The following ARMCX6 variants were observed in gnomAD, a reference collection of about 807,000 sequenced individuals.
ARMCX6 encodes the protein armadillo repeat containing X-linked 6, also known as protein ARMCX6.
For synonymous variants in ARMCX6, 85 were observed against 70.3 expected (o/e 1.21, Z -1.05); for missense variants, 194 against 186.0 (o/e 1.04, Z -0.25).
At position 101,616,751 on chromosome X, in the gene ARMCX6, C is replaced by T. The variant is rs983342216; in HGVS notation, c.-131G>A. On this transcript the variant is annotated 5_prime_UTR_variant, in exon 3 of 3. Transcript: ENST00000361910. The stretch of plus-strand genomic sequence containing the variant: ...TTCAGCTTCTTCCAGGCTCTTGTAG[C>T]TCTCTTGTGATGAATCTGTGGGTGA... The T allele has an allele frequency of 5.6e-6, 6 of 1,068,190 alleles. No homozygotes were observed. The highest frequency in any genetic ancestry group is 7.4e-6 in the Non-Finnish European group (6 of 816,157). The allele number at this position is 1,068,190 out of a possible 1,213,427, so 88.0% of individuals were successfully genotyped here.
chrX:101,616,329 G>T lies in ARMCX6; in HGVS notation c.292C>A (p.His98Asn), dbSNP rs1935807174. 1.7e-6 allele frequency: 2 copies of T among 1,209,497 alleles called. No individual in the cohort carries two copies. The highest frequency in any genetic ancestry group is 2.2e-6 in the Non-Finnish European group (2 of 895,082). The change falls in exon 3 of 3, where the codon CAC becomes AAC. Residue 98 changes from histidine (H) to asparagine (N), a missense_variant. Physicochemically the swap from His to Asn is moderately conservative, Grantham distance 68. Transcript: ENST00000361910. ...PSGGGKANRA[H>N]PIKQRPFPYE... ...GGGAATGGCCGCTGTTTTATTGGGT[G>T]TGCTCGGTTGGCCTTGCCTCCCCCT...
In ARMCX6 at chrX:101,616,779, CAG is replaced by C; in HGVS notation, c.-146-15_-146-14del. On this transcript the variant is annotated splice_polypyrimidine_tract_variant and intron_variant, in intron 2 of 2. Coordinates refer to ENST00000361910, the MANE Select transcript of ARMCX6 (RefSeq NM_019007.4). ...TCTTGTGATGAATCTGTGGGTGAAACAGAGTATTAGGGCTCGGGACTATGTTT... is the reference window on the plus strand; with the variant it reads ...TCTTGTGATGAATCTGTGGGTGAAACAGTATTAGGGCTCGGGACTATGTTT... The C allele has an allele frequency of 5.0e-6, 5 of 1,002,086 alleles. No individual in the cohort carries two copies. Among genetic ancestry groups the C allele is most frequent in the South Asian group, 5.8e-5 (2 of 34,626 alleles). The allele number at this position is 1,002,086 out of a possible 1,213,427, so 82.6% of individuals were successfully genotyped here. A position where few individuals can be genotyped will look rare whatever the true frequency, so the allele number is the denominator to read the frequency against.
Position 101,616,064 on chromosome X carries a change from G to A in ARMCX6, c.557C>T (p.Ala186Val), listed in dbSNP as rs782712989. The change falls in exon 3 of 3, where the codon GCG (alanine) becomes GTG (valine). Residue 186 changes from alanine to valine, a missense_variant. Transcript: ENST00000361910. ...AATCTGGCCCTGACTTTCAATACTC[G>A]CATTTAAGTTATCCGGGGCACACAA... ...EALCAPDNLNASIESQGQIKM... is the reference protein window; with the variant it reads ...EALCAPDNLNVSIESQGQIKM... 38 of 1,087,745 alleles carry A rather than the reference G, an allele frequency of 3.5e-5. No individual in the cohort carries two copies. In the South Asian group the frequency reaches 6.1e-4, roughly 17 times the overall value. 89.6% of individuals were successfully genotyped at this position (1,087,745 alleles called of 1,213,427 possible).
At position 101,616,245 on chromosome X, in the gene ARMCX6, C is replaced by T. The variant is rs1377464088; in HGVS notation, c.376G>A (p.Asp126Asn). 8.3e-7 allele frequency: 1 copy of T among 1,208,760 alleles called. No individual in the cohort carries two copies. Among genetic ancestry groups the T allele is most frequent in the African/African-American group, 1.8e-5 (1 of 56,622 alleles). The change falls in exon 3 of 3, where the codon GAC (aspartate) becomes AAC (asparagine). Residue 126 changes from aspartate to asparagine, a missense_variant. Transcript: ENST00000361910. The stretch of plus-strand genomic sequence containing the variant: ...TGAATGAAAAGACACTTGGAGAGGT[C>T]CAGAACACAACTGCCATTTTTACAA... ...QNCKNGSCVLDLSKCLFIQGK... is the reference protein window; with the variant it reads ...QNCKNGSCVLNLSKCLFIQGK...
At position 101,616,095 on chromosome X, in the gene ARMCX6, C is replaced by G; in HGVS notation, c.526G>C (p.Glu176Gln). 8.6e-7 allele frequency: 1 copy of G among 1,167,258 alleles called. No homozygotes were observed. Among genetic ancestry groups the G allele is most frequent in the Non-Finnish European group, 1.1e-6 (1 of 873,174 alleles). ...AAGTTATCCGGGGCACACAAAGCCTCTCTAACAGTGGGGTCTGGAGTGGGG... is the reference window on the plus strand; with the variant it reads ...AAGTTATCCGGGGCACACAAAGCCTGTCTAACAGTGGGGTCTGGAGTGGGG... The part of the protein sequence containing the change: ...TSPTPDPTVR[E>Q]ALCAPDNLNA... Residue 176 changes from glutamate to glutamine, a missense_variant, in exon 3 of 3, where the codon GAG (glutamate) becomes CAG (glutamine). Transcript: ENST00000361910.
rs1556035545 is a variant in ARMCX6 at position 101,615,942 on chromosome X, C to T, written c.679G>A (p.Val227Ile). The T allele has an allele frequency of 2.2e-6, 1 of 457,476 alleles. No homozygotes were observed. The highest frequency in any genetic ancestry group is 3.3e-6 in the Non-Finnish European group (1 of 300,699). 37.7% of individuals were successfully genotyped at this position (457,476 alleles called of 1,213,427 possible). A position where few individuals can be genotyped will look rare whatever the true frequency, so the allele number is the denominator to read the frequency against. The change falls in exon 3 of 3, where the codon GTT becomes ATT. Residue 227 changes from valine (V) to isoleucine (I), a missense_variant. Transcript: ENST00000361910. ...GACTTGGCAAGCATGTTATTAATAA[C>T]TGTCATGCTTATTAACAAATTTAAT... is the stretch of plus-strand genomic sequence containing the variant. ...AGLNLLISMTVINNMLAKSAS... is the reference protein window; with the variant it reads ...AGLNLLISMTIINNMLAKSAS...
At position 101,616,187 on chromosome X, in the gene ARMCX6, G is replaced by A. The variant is rs148949675; in HGVS notation, c.434C>T (p.Ala145Val). Residue 145 changes from alanine to valine, a missense_variant, in exon 3 of 3, where the codon GCG becomes GTG. Transcript: ENST00000361910. ...GATATCCTGGCTAAATGGAAAGCCC[G>A]CATCCTTGGGCTCGGCAAACAACAG... is the stretch of plus-strand genomic sequence containing the variant. The part of the protein sequence containing the change: ...GKLLFAEPKD[A>V]GFPFSQDINS... 1.7e-5 allele frequency: 20 copies of A among 1,204,770 alleles called. No homozygotes were observed. The highest frequency in any genetic ancestry group is 7.2e-5 in the African/African-American group (4 of 55,432).
rs1556036073 is a variant in ARMCX6, at chrX:101,616,622, C to T, written c.-2G>A. ...ACCCACTTCCCGAGCCCGGCCCATG[C>T]TCAAGTCTGTGCCAGCCTTGGGGCA... is the stretch of plus-strand genomic sequence containing the variant. On this transcript the variant is annotated 5_prime_UTR_variant, in exon 3 of 3. Transcript: ENST00000361910. 2.5e-6 allele frequency: 3 copies of T among 1,203,602 alleles called. No homozygotes were observed. Among genetic ancestry groups the T allele is most frequent in the Admixed American group, 4.4e-5 (2 of 45,635 alleles).
In ARMCX6 at chrX:101,617,998, C is replaced by T. The variant is rs1183300258; in HGVS notation, c.-342G>A. 2.7e-5 allele frequency: 3 copies of T among 111,857 alleles called. No individual in the cohort carries two copies. Among genetic ancestry groups the T allele is most frequent in the African/African-American group, 9.8e-5 (3 of 30,741 alleles). 9.2% of individuals were successfully genotyped at this position (111,857 alleles called of 1,213,427 possible). ...TTGTGCTCTAGGCGGCTCTTGGTCA[C>T]GTGACGGCCACGTCACCAGTGCGCT... On this transcript the variant is annotated 5_prime_UTR_variant, in exon 1 of 3. In the 5' UTR this introduces an upstream ATG that the reference lacks. Coordinates refer to ENST00000361910, the MANE Select transcript of ARMCX6 (RefSeq NM_019007.4).
rs781894078 is a variant in ARMCX6, at chrX:101,616,363, G to T, written c.258C>A (p.Asp86Glu). 2.5e-6 allele frequency: 3 copies of T among 1,209,442 alleles called. No homozygotes were observed. Among genetic ancestry groups the T allele is most frequent in the Non-Finnish European group, 3.4e-6 (3 of 895,059 alleles). ...TEPGAPGGTE[D>E]RPSGGGKANR... ...TGGCCTTGCCTCCCCCTGAGGGCCT[G>T]TCCTCAGTGCCACCTGGGGCCCCAG... is the stretch of plus-strand genomic sequence containing the variant. Residue 86 changes from aspartate to glutamate, a missense_variant, in exon 3 of 3, where the codon GAC becomes GAA. By Grantham distance (45) the Asp-to-Glu change is conservative (BLOSUM62 2). Coordinates refer to ENST00000361910, the MANE Select transcript of ARMCX6 (RefSeq NM_019007.4).
rs1556035517 is a variant in ARMCX6, at chrX:101,615,822, C to A, written c.799G>T (p.Val267Phe). Residue 267 changes from valine to phenylalanine, a missense_variant, in exon 3 of 3, where the codon GTC (valine) becomes TTC (phenylalanine). By Grantham distance (50) the Val-to-Phe change is conservative (BLOSUM62 -1). Transcript: ENST00000361910. ...GCACCGACTAACTCCCCCGCCAAGA[C>A]TGGCTTTTCAGACAAACCCATCAGC... The part of the protein sequence containing the change: ...KPLMGLSEKP[V>F]LAGELVGAQM... 3.3e-6 allele frequency: 1 copy of A among 299,252 alleles called. No homozygotes were observed. The highest frequency in any genetic ancestry group is 5.5e-6 in the Non-Finnish European group (1 of 182,671). The allele number at this position is 299,252 out of a possible 1,213,427, so 24.7% of individuals were successfully genotyped here.
rs1471288662 is a variant in ARMCX6, at chrX:101,616,856, G to A, written c.-146-90C>T. The A allele has an allele frequency of 1.3e-5, 6 of 444,727 alleles. No homozygotes were observed. In the Admixed American group the frequency reaches 3.0e-4, roughly 22 times the overall value. 36.7% of individuals were successfully genotyped at this position (444,727 alleles called of 1,213,427 possible). ...GGATTTCGAGTTGGTGATAAAGGCA[G>A]ATTAACAGGATACAATTTCTTTGTT... On this transcript the variant is annotated intron_variant, in intron 2 of 2. Coordinates refer to ENST00000361910, the MANE Select transcript of ARMCX6 (RefSeq NM_019007.4).
chrX:101,617,516 A>G lies in ARMCX6; in HGVS notation c.-160T>C, dbSNP rs1447393579. 9.1e-6 allele frequency: 1 copy of G among 109,632 alleles called. No individual in the cohort carries two copies. Among genetic ancestry groups the G allele is most frequent in the Non-Finnish European group, 1.9e-5 (1 of 52,575 alleles). The allele number at this position is 109,632 out of a possible 1,213,427, so 9.0% of individuals were successfully genotyped here. ...CTTCACACTGACCTGCAAGGTTCCA[A>G]CCAAGGCAGTTTTCTCCTTCTCTCG... On this transcript the variant is annotated 5_prime_UTR_variant, in exon 2 of 3. Transcript: ENST00000361910.
chrX:101,615,840 C>G lies in ARMCX6; in HGVS notation c.781G>C (p.Gly261Arg), dbSNP rs1556035520. The change falls in exon 3 of 3, where the codon GGT (glycine) becomes CGT (arginine). Residue 261 changes from glycine (G) to arginine (R), a missense_variant. Physicochemically the swap from Gly to Arg is moderately radical, Grantham distance 125 (BLOSUM62 -2). Coordinates refer to ENST00000361910, the MANE Select transcript of ARMCX6 (RefSeq NM_019007.4). ...GCCAAGACTGGCTTTTCAGACAAAC[C>G]CATCAGCGGTTTCAAAACCTGAACC... The part of the protein sequence containing the change: ...AKVQVLKPLM[G>R]LSEKPVLAGE... The G allele has an allele frequency of 3.2e-6, 1 of 311,228 alleles. No homozygotes were observed. The highest frequency in any genetic ancestry group is 4.6e-5 in the East Asian group (1 of 21,833). 25.6% of individuals were successfully genotyped at this position (311,228 alleles called of 1,213,427 possible).
In ARMCX6 at chrX:101,616,351, C is replaced by T. The variant is rs1467844003; in HGVS notation, c.270G>A (p.Gly90=). ...GGTGTGCTCGGTTGGCCTTGCCTCC[C>T]CCTGAGGGCCTGTCCTCAGTGCCAC... ...APGGTEDRPS[G]GGKANRAHPI... is the part of the protein sequence containing the mutation. Residue 90 remains glycine, a synonymous_variant, in exon 3 of 3, where the codon GGG becomes GGA. Coordinates refer to ENST00000361910, the MANE Select transcript of ARMCX6 (RefSeq NM_019007.4). The T allele has an allele frequency of 1.7e-6, 2 of 1,211,675 alleles. No homozygotes were observed. The highest frequency in any genetic ancestry group is 3.5e-5 in the South Asian group (2 of 56,975).
chrX:101,616,639 C>A lies in ARMCX6; in HGVS notation c.-19G>T. 8.3e-7 allele frequency: 1 copy of A among 1,198,828 alleles called. No homozygotes were observed. Among genetic ancestry groups the A allele is most frequent in the Non-Finnish European group, 1.1e-6 (1 of 887,437 alleles). On this transcript the variant is annotated 5_prime_UTR_variant, in exon 3 of 3. In the 5' UTR this introduces an upstream ATG that the reference lacks. Transcript: ENST00000361910. Reference sequence around the variant, plus strand: ...GGCCCATGCTCAAGTCTGTGCCAGCCTTGGGGCAGGACAGGAGAGGGCCTT... The same window carrying A: ...GGCCCATGCTCAAGTCTGTGCCAGCATTGGGGCAGGACAGGAGAGGGCCTT...
Position 101,616,369 on chromosome X carries a change from A to G in ARMCX6, c.252T>C (p.Thr84=). ...DWTEPGAPGG[T]EDRPSGGGKA... is the part of the protein sequence containing the mutation. ...TGCCTCCCCCTGAGGGCCTGTCCTC[A>G]GTGCCACCTGGGGCCCCAGGTTCAG... Residue 84 remains threonine (T), a synonymous_variant, in exon 3 of 3, where the codon ACT becomes ACC. Transcript: ENST00000361910. 1.7e-6 allele frequency: 2 copies of G among 1,211,571 alleles called. No individual in the cohort carries two copies. The highest frequency in any genetic ancestry group is 2.2e-6 in the Non-Finnish European group (2 of 895,459).
In ARMCX6 at chrX:101,616,490, T is replaced by C; in HGVS notation, c.131A>G (p.Glu44Gly). The change falls in exon 3 of 3, where the codon GAG (glutamate) becomes GGG (glycine). Residue 44 changes from glutamate to glycine, a missense_variant. Transcript: ENST00000361910. ...SEKLEEEGEEEWDDDQELDEE... is the reference protein window; with the variant it reads ...SEKLEEEGEEGWDDDQELDEE... ...ATCCAGCTCCTGGTCATCGTCCCACTCCTCTTCCCCCTCCTCCTCCAGCTT... is the reference window on the plus strand; with the variant it reads ...ATCCAGCTCCTGGTCATCGTCCCACCCCTCTTCCCCCTCCTCCTCCAGCTT... 8.3e-7 allele frequency: 1 copy of C among 1,211,507 alleles called. No individual in the cohort carries two copies.
intron 2 of ARMCX6, chrX:101,617,014 C>A (rs1935829919): frequency 1.3e-5 from 2 of 153,117 alleles, no homozygotes; most frequent in Non-Finnish European, 2.5e-5. Context: ...CTCAGGTAGT[C>A]TCCTACACCA....
Sources: gnomAD v4.1 joint callset for allele counts on GRCh38, gnomAD v4.1.1 for gene constraint, MANE v1.5 for transcripts, NCBI Gene and HGNC (gene_info 2026-07-23, HGNC 2026-07-21) for gene names.